CDH18: variants seen among roughly 807,000 people sequenced by gnomAD.
CDH18 encodes cadherin-18.
In CDH18, 31 loss-of-function variants were observed where a neutral mutation model predicts 67.9. That is an observed-to-expected ratio of 0.46 (90% CI 0.34 to 0.62). The LOEUF (loss-of-function observed/expected upper bound fraction) is 0.62, where lower values mean the gene tolerates loss of function less well. Ranked by LOEUF, CDH18 falls within the 20% of genes least tolerant of loss-of-function variation. The pLI is 0.01. For synonymous variants in CDH18, 362 were observed against 347.2 expected (o/e 1.04, Z -0.48); for missense variants, 890 against 975.5 (o/e 0.91, Z 1.17).
At chr5:20,172,844 G>A (rs1264559249) in intron 2 of CDH18, among the ~76,000 whole-genome samples, 1 of 151,892 alleles carries the variant, frequency 6.6e-6, no homozygotes, top group Non-Finnish European at 1.5e-5. Context: ...TACAAAATTA[G>A]CCAGGCATGG....
chr5:19,836,368 C>T (rs766304849), intron 3 of CDH18, among the ~76,000 whole-genome samples: 1 of 152,148 alleles, frequency 6.6e-6, no homozygotes, highest in African/African-American at 2.4e-5. Flanking sequence ...TTCTACCTGG[C>T]ATTAGATGGT....
rs536359953 is a variant in CDH18, at chr5:19,855,319, C to G, written c.-256-16077G>C. ...AAGACTGCAAGGCCCATCTAGTGGG[C>G]TACTATTTTTAAATGAGATAAAATA... On this transcript the variant is annotated intron_variant, in intron 2 of 12. Transcript: ENST00000382275. 4.5e-4 allele frequency among the ~76,000 whole-genome samples: 68 copies of G among 152,168 alleles called. 1 individual carries two copies. The highest frequency in any genetic ancestry group is 1.5e-3 in the African/African-American group (63 of 41,532).
intron 2 of CDH18, among the ~76,000 whole-genome samples, chr5:19,950,127 G>T (rs1579755985): frequency 6.6e-6 from 1 of 151,344 alleles, no homozygotes; most frequent in East Asian, 1.9e-4. Context: ...AATACTACTG[G>T]AATATCACAT....
intron 1 of CDH18, among the ~76,000 whole-genome samples, chr5:20,550,318 G>T (rs1757563967): frequency 6.6e-6 from 1 of 152,124 alleles, no homozygotes; most frequent in Non-Finnish European, 1.5e-5. Context: ...GTCCTATCAG[G>T]TATGAAGAAA....
chr5:19,816,910 C>A (rs1157582845), intron 3 of CDH18, among the ~76,000 whole-genome samples: 3 of 151,490 alleles, frequency 2.0e-5, no homozygotes, highest in African/African-American at 7.3e-5. Context: ...TTTTATTAAA[C>A]AAAACATCAT....
In CDH18 at chr5:19,838,835, G is replaced by A; in HGVS notation, c.152C>T (p.Pro51Leu). 1.2e-6 allele frequency: 2 copies of A among 1,613,896 alleles called. No individual in the cohort carries two copies. Among genetic ancestry groups the A allele is most frequent in the Non-Finnish European group, 1.7e-6 (2 of 1,179,898 alleles). ...CTGATTCCATACCCATCCCCTTTTG[G>A]GACGATGATGGACTTCGGTTTCACC... ...IEGETEVHHR[P>L]KRGWVWNQFF... The change falls in exon 3 of 13, where the codon CCC becomes CTC. Residue 51 changes from proline (P) to leucine (L), a missense_variant. Around this residue, in one of 2 missense-constraint regions of CDH18, gnomAD observed 234 missense variants for 307.4 expected, o/e 0.76. Transcript: ENST00000382275.
chr5:20,374,154 G>T (rs1356956645), intron 1 of CDH18, among the ~76,000 whole-genome samples: 4 of 152,086 alleles, frequency 2.6e-5, no homozygotes, highest in African/African-American at 9.7e-5. Context: ...TAAATTACAA[G>T]GAATGGGTTA....
chr5:19,535,855 C>T (rs1749333382), intron 9 of CDH18, among the ~76,000 whole-genome samples: 1 of 152,140 alleles, frequency 6.6e-6, no homozygotes, highest in Non-Finnish European at 1.5e-5. Flanking sequence ...AACTTTGGCT[C>T]TTTTGGAAAT....
intron 10 of CDH18, among the ~76,000 whole-genome samples, chr5:19,509,316 G>T (rs1579901137): frequency 6.6e-6 from 1 of 151,990 alleles, no homozygotes; most frequent in Non-Finnish European, 1.5e-5. Flanking sequence ...AAGGGGCAAG[G>T]GTTGAAAAAT....
intron 1 of CDH18, among the ~76,000 whole-genome samples, chr5:19,982,538 A>G (rs190414389): frequency 6.6e-6 from 1 of 152,150 alleles, no homozygotes; most frequent in East Asian, 1.9e-4. Flanking sequence ...CTTATTAAAG[A>G]GTTTCTTCAT....
rs1748215789 is a variant in CDH18, at chr5:19,607,357, A to G, written c.811+5077T>C. 5.3e-5 allele frequency among the ~76,000 whole-genome samples: 8 copies of G among 151,476 alleles called. No individual in the cohort carries two copies. The South Asian group carries it at 1.7e-3, about 32-fold the overall frequency. Reference sequence around the variant, plus strand: ...ACTGAATATATAAGATGACAAAAATAGAAAAAACAACAACAAAGGGTTAAT... The same window carrying G: ...ACTGAATATATAAGATGACAAAAATGGAAAAAACAACAACAAAGGGTTAAT... On this transcript the variant is annotated intron_variant, in intron 6 of 12. Coordinates refer to ENST00000382275, the MANE Select transcript of CDH18 (RefSeq NM_004934.5).
intron 1 of CDH18, among the ~76,000 whole-genome samples, chr5:20,529,222 T>C (rs1003313818): frequency 6.6e-6 from 1 of 150,658 alleles, no homozygotes; most frequent in African/African-American, 2.5e-5. Context: ...AATAGACCAA[T>C]AACAAGTTCC....
At chr5:19,899,325 G>A (rs1344062135) in intron 2 of CDH18, among the ~76,000 whole-genome samples, 1 of 151,456 alleles carries the variant, frequency 6.6e-6, no homozygotes, top group African/African-American at 2.4e-5. Context: ...GCTTGAACCT[G>A]CGAGGCAGAG....
At chr5:20,525,709 C>G (rs1380447998) in intron 1 of CDH18, among the ~76,000 whole-genome samples, 1 of 151,944 alleles carries the variant, frequency 6.6e-6, no homozygotes, top group Non-Finnish European at 1.5e-5. Flanking sequence ...GTGAAGAAAA[C>G]TAGATTAGCA....
At position 20,192,201 on chromosome 5, in the gene CDH18, T is replaced by G. The variant is rs1450052602; in HGVS notation, c.-518+63243A>C. On this transcript the variant is annotated intron_variant, in intron 2 of 14. Coordinates refer to the CDH18 transcript ENST00000507958. ...CATATCCTTTTCCCACTTTTCGACG[T>G]TTTTTTTTTTCTTGTAAATATGTTT... Among the ~76,000 whole-genome samples, 3 of 142,804 alleles carry G rather than the reference T, an allele frequency of 2.1e-5. No homozygotes were observed. The South Asian group carries it at 6.5e-4, about 31-fold the overall frequency. 93.7% of individuals were successfully genotyped at this position (142,804 alleles called of 152,430 possible). A position where few individuals can be genotyped will look rare whatever the true frequency, so the allele number is the denominator to read the frequency against.
intron 1 of CDH18, among the ~76,000 whole-genome samples, chr5:20,318,305 G>C (rs1209726955): frequency 6.6e-6 from 1 of 152,140 alleles, no homozygotes; most frequent in African/African-American, 2.4e-5. Context: ...TCCCAAAAAA[G>C]TTACTGGCAC....
chr5:20,248,484 C>G (rs949431117), intron 2 of CDH18, among the ~76,000 whole-genome samples: 1 of 152,206 alleles, frequency 6.6e-6, no homozygotes, highest in Non-Finnish European at 1.5e-5. Context: ...GACCTCTGCA[C>G]CCAAACTAGC....
intron 1 of CDH18, among the ~76,000 whole-genome samples, chr5:20,533,441 G>A (rs554492208): frequency 1.1e-3 from 172 of 152,180 alleles, no homozygotes; most frequent in Admixed American, 2.6e-3. Flanking sequence ...GGAAGCAGTA[G>A]ACATGCAAAA....
intron 2 of CDH18, among the ~76,000 whole-genome samples, chr5:19,896,991 C>A (rs1789412229): frequency 6.6e-6 from 1 of 151,834 alleles, no homozygotes; most frequent in South Asian, 2.1e-4. Flanking sequence ...TAGAAAGAAA[C>A]AAACAGTAGA....
Sources: gnomAD v4.1 joint callset for allele counts (sites outside exome capture counted in the v4.1 genomes callset) on GRCh38, gnomAD v4.1.1 for gene constraint, gnomAD v4.1.1 regional missense constraint, MANE v1.5 for transcripts, NCBI Gene and HGNC (gene_info 2026-07-23, HGNC 2026-07-21) for gene names.